The following SMIM35 variants were observed in gnomAD, a reference collection of about 807,000 sequenced individuals.
SMIM35 encodes the protein TMPRSS4 antisense RNA 1 (non-protein coding).
At chr11:118,030,851 G>T (rs2058313083) in intron 1 of SMIM35, among the ~76,000 whole-genome samples, 1 of 152,030 alleles carries the variant, frequency 6.6e-6, no homozygotes, top group African/African-American at 2.4e-5. Context: ...CAGTGTTAGG[G>T]GTTATGGCCC....
chr11:118,061,184 G>T (rs868477614), intron 1 of SMIM35, among the ~76,000 whole-genome samples: 1 of 152,230 alleles, frequency 6.6e-6, no homozygotes, highest in East Asian at 1.9e-4. Flanking sequence ...AGGCCAAGGC[G>T]CAAGCCCAGC....
chr11:118,034,632 A>C (rs183203613), intron 1 of SMIM35, among the ~76,000 whole-genome samples: 150 of 152,336 alleles, frequency 9.8e-4, no homozygotes, highest in Middle Eastern at 6.8e-3. Flanking sequence ...ATCGCCTGGG[A>C]GGCAGAGGTT....
At chr11:118,007,863 C>T (rs11216669) in intron 4 of SMIM35, among the ~76,000 whole-genome samples, 24,341 of 151,240 alleles carry the variant, frequency 0.16, 3,291 homozygotes, top group East Asian at 0.37. Context: ...TGTTTTTCAA[C>T]TTCTTGCTTT....
At chr11:118,014,427 TG>T (rs1565379676) in intron 3 of SMIM35, among the ~76,000 whole-genome samples, 2 of 150,920 alleles carry the variant, frequency 1.3e-5, no homozygotes, top group Non-Finnish European at 3.0e-5. Context: ...GATGGATGGA[TG>T]GATGAATGGA....
intron 1 of SMIM35, among the ~76,000 whole-genome samples, chr11:118,049,569 G>A (rs1011709014): frequency 6.6e-5 from 10 of 151,674 alleles, no homozygotes; most frequent in African/African-American, 1.9e-4. Context: ...GGCTGGTCTC[G>A]AACTCCTGAC....
At chr11:118,058,585 T>C (rs1944349776) in intron 1 of SMIM35, among the ~76,000 whole-genome samples, 1 of 151,960 alleles carries the variant, frequency 6.6e-6, no homozygotes, top group South Asian at 2.1e-4. Context: ...AGAAATCCAG[T>C]TGTAAGCACA....
intron 1 of SMIM35, among the ~76,000 whole-genome samples, chr11:118,068,860 G>C (rs1419939501): frequency 1.3e-5 from 2 of 152,114 alleles, no homozygotes; most frequent in African/African-American, 4.8e-5. Flanking sequence ...CTCTCCCCAC[G>C]CATCACTCCG....
intron 1 of SMIM35, among the ~76,000 whole-genome samples, chr11:118,021,521 C>T (rs1240356120): frequency 6.6e-6 from 1 of 151,884 alleles, no homozygotes; most frequent in Non-Finnish European, 1.5e-5. Context: ...ATACATCTTT[C>T]CTATAGTTTT....
intron 1 of SMIM35, among the ~76,000 whole-genome samples, chr11:118,057,198 A>G (rs1220742777): frequency 6.6e-6 from 1 of 152,194 alleles, no homozygotes; most frequent in Admixed American, 6.5e-5. Flanking sequence ...AAGGAGGAAT[A>G]GAGTTCAGAA....
chr11:118,014,906 A>G (rs1426346609), intron 2 of SMIM35, among the ~76,000 whole-genome samples, 165 bp from the exon 3 acceptor site: 2 of 152,128 alleles, frequency 1.3e-5, no homozygotes, highest in African/African-American at 4.8e-5. Flanking sequence ...AGGGCCCCCC[A>G]TTAACGGTCC....
At chr11:118,053,440 G>A (rs79944284) in intron 1 of SMIM35, among the ~76,000 whole-genome samples, 5,770 of 152,096 alleles carry the variant, frequency 0.038, 199 homozygotes, top group East Asian at 0.19. Flanking sequence ...AGGGACAATG[G>A]CAGAGTGACT....
chr11:118,015,294 A>T (rs1281751460), intron 2 of SMIM35, among the ~76,000 whole-genome samples: 1 of 152,198 alleles, frequency 6.6e-6, no homozygotes, highest in Non-Finnish European at 1.5e-5. Context: ...AGTGAAGCTG[A>T]TACCTCCACA....
intron 2 of SMIM35, among the ~76,000 whole-genome samples, 158 bp from the exon 3 acceptor site, chr11:118,014,899 G>T (rs904691304): frequency 6.6e-6 from 1 of 152,022 alleles, no homozygotes; most frequent in African/African-American, 2.4e-5. Flanking sequence ...CTCCTTCAGG[G>T]CCCCCCATTA....
intron 1 of SMIM35, among the ~76,000 whole-genome samples, chr11:118,034,602 T>C (rs1429542885): frequency 6.6e-6 from 1 of 152,182 alleles, no homozygotes. Flanking sequence ...TTCACATCTG[T>C]AGTCCCAGCT....
chr11:118,038,186 G>C (rs1460002880), intron 1 of SMIM35, among the ~76,000 whole-genome samples: 2 of 152,224 alleles, frequency 1.3e-5, no homozygotes, highest in Non-Finnish European at 2.9e-5. Context: ...ATGACCCCTG[G>C]AGGCCGAGGG....
intron 1 of SMIM35, among the ~76,000 whole-genome samples, chr11:118,036,737 A>G (rs1170237536): frequency 6.6e-6 from 1 of 152,210 alleles, no homozygotes; most frequent in Non-Finnish European, 1.5e-5. Context: ...GTTCTCTGCG[A>G]TGGTGGTGTC....
intron 1 of SMIM35, chr11:118,077,139 G>C: frequency 1.4e-6 from 1 of 707,104 alleles, no homozygotes; most frequent in Non-Finnish European, 2.3e-6. Flanking sequence ...CTGGGCGTGA[G>C]GGACCAAGGC....
chr11:118,012,310 A>C (rs988161975), intron 4 of SMIM35, among the ~76,000 whole-genome samples: 5 of 152,054 alleles, frequency 3.3e-5, no homozygotes, highest in Non-Finnish European at 4.4e-5. Flanking sequence ...TCCTGTGCAC[A>C]CTCTGCCTCC....
chr11:118,064,317 C>G (rs1009190470), intron 1 of SMIM35, among the ~76,000 whole-genome samples: 1 of 152,216 alleles, frequency 6.6e-6, no homozygotes, highest in African/African-American at 2.4e-5. Flanking sequence ...AATGGGAGAT[C>G]AGATAGGCAC....
Sources: gnomAD v4.1 joint callset for allele counts (sites outside exome capture counted in the v4.1 genomes callset) on GRCh38, gnomAD v4.1.1 for gene constraint, MANE v1.5 for transcripts, NCBI Gene and HGNC (gene_info 2026-07-23, HGNC 2026-07-21) for gene names.